NFE2L3: variants seen among roughly 807,000 people sequenced by gnomAD.
NFE2L3 encodes the protein NFE2 like bZIP transcription factor 3, also known as nuclear factor erythroid 2-related factor 3.
Under a neutral mutation model 23.5 loss-of-function variants are expected in NFE2L3, and 18 were observed. The ratio of observed to expected loss-of-function variants is 0.77; its 90% confidence interval spans 0.53 to 1.13. The LOEUF is 1.13. Among genes scored for constraint, NFE2L3 ranks in the 50% most tolerant of loss-of-function variants. NFE2L3 has a pLI of 0.00. For synonymous variants in NFE2L3, 424 were observed against 354.5 expected (o/e 1.20, Z -2.20); for missense variants, 1,152 against 877.2 (o/e 1.31, Z -3.96).
intron 2 of NFE2L3, among the ~76,000 whole-genome samples, chr7:26,180,457 G>A (rs149855634): frequency 8.5e-4 from 129 of 152,212 alleles, no homozygotes; most frequent in African/African-American, 3.0e-3. Context: ...TCTCCCCACA[G>A]CATACATACT....
At chr7:26,158,835 G>A (rs567351215) in intron 1 of NFE2L3, among the ~76,000 whole-genome samples, 1 of 152,326 alleles carries the variant, frequency 6.6e-6, no homozygotes, top group Admixed American at 6.5e-5. Context: ...CACACTGGCT[G>A]TGTGATCTGG....
In NFE2L3 at chr7:26,184,595, ACATTAT is replaced by A. The variant is rs1562679964; in HGVS notation, c.901_906del (p.Tyr301_His302del). 2 of 1,613,920 alleles carry A rather than the reference ACATTAT, an allele frequency of 1.2e-6. No homozygotes were observed. Among genetic ancestry groups the A allele is most frequent in the Non-Finnish European group, 1.7e-6 (2 of 1,179,798 alleles). On this transcript the variant is annotated inframe_deletion, in exon 4 of 4. Transcript: ENST00000056233. Reference sequence around the variant, plus strand: ...TCAGTGATGGCATGAATTCTTCAGCACATTATCATGTAAACTTCAGCCAGGCTATAA... The same window carrying A: ...TCAGTGATGGCATGAATTCTTCAGCACATGTAAACTTCAGCCAGGCTATAA...
At chr7:26,164,391 A>G (rs1784216524) in intron 1 of NFE2L3, among the ~76,000 whole-genome samples, 1 of 152,110 alleles carries the variant, frequency 6.6e-6, no homozygotes, top group Non-Finnish European at 1.5e-5. Context: ...TTTGATCTGT[A>G]TTTCTCTGAT....
At chr7:26,163,279 C>T (rs1784199743) in intron 1 of NFE2L3, among the ~76,000 whole-genome samples, 7 of 152,190 alleles carry the variant, frequency 4.6e-5, no homozygotes, top group Admixed American at 4.6e-4. Context: ...TATATATCCC[C>T]AAATCATAAG....
chr7:26,166,875 A>T (rs186345614), intron 1 of NFE2L3, among the ~76,000 whole-genome samples: 1 of 152,270 alleles, frequency 6.6e-6, no homozygotes, highest in African/African-American at 2.4e-5. Context: ...TTTGTCTTTG[A>T]AGGTTCTTCC....
Position 26,186,013 on chromosome 7 carries a change from A to G in NFE2L3, c.*230A>G. On this transcript the variant is annotated 3_prime_UTR_variant, in exon 4 of 4. Coordinates refer to ENST00000056233, the MANE Select transcript of NFE2L3 (RefSeq NM_004289.7). ...ACTTTTCATGAAGTGCATTGTATAC[A>G]AAATTCATAGTTATGTCCAAAGAAT... 1 of 396,864 alleles carries G rather than the reference A, an allele frequency of 2.5e-6. No homozygotes were observed. Among genetic ancestry groups the G allele is most frequent in the Non-Finnish European group, 4.5e-6 (1 of 222,738 alleles). The allele number at this position is 396,864 out of a possible 1,614,324, so 24.6% of individuals were successfully genotyped here.
At chr7:26,169,675 G>A (rs547721987) in intron 1 of NFE2L3, among the ~76,000 whole-genome samples, 2 of 152,306 alleles carry the variant, frequency 1.3e-5, no homozygotes, top group South Asian at 4.1e-4. Flanking sequence ...TTCACAATAG[G>A]CTCTCAAGAA....
At chr7:26,162,715 CT>C (rs1209506956) in intron 1 of NFE2L3, among the ~76,000 whole-genome samples, 190 of 144,414 alleles carry the variant, frequency 1.3e-3, no homozygotes, top group East Asian at 3.8e-3. Context: ...TAGACTATTT[CT>C]TTTTTTTTTT....
At chr7:26,179,888 C>T (rs1053735606) in intron 2 of NFE2L3, among the ~76,000 whole-genome samples, 2 of 152,096 alleles carry the variant, frequency 1.3e-5, no homozygotes, top group Admixed American at 6.5e-5. Context: ...CACGTGGGCA[C>T]CTTTTCGTGT....
chr7:26,183,414 G>GGT (rs1782380801), intron 2 of NFE2L3, among the ~76,000 whole-genome samples: 1 of 152,068 alleles, frequency 6.6e-6, no homozygotes, highest in Non-Finnish European at 1.5e-5. Context: ...CAGACGTGGT[G>GGT]GTGCACAGCT....
rs1386817188 is a variant in NFE2L3, at chr7:26,152,769, C to G, written c.271C>G (p.Leu91Val). Residue 91 changes from leucine to valine, a missense_variant, in exon 1 of 4, where the codon CTG (leucine) becomes GTG (valine). Coordinates refer to ENST00000056233, the MANE Select transcript of NFE2L3 (RefSeq NM_004289.7). The surrounding 1 kb of genome is among the most constrained non-coding windows in gnomAD (Gnocchi z 4.4). ...LDPAAPPEGQ[L>V]LREVRALGVP... ...CCCTGCCGCGCCGCCCGAGGGCCAGCTGCTCCGGGAGGTGCGCGCGCTCGG... is the reference window on the plus strand; with the variant it reads ...CCCTGCCGCGCCGCCCGAGGGCCAGGTGCTCCGGGAGGTGCGCGCGCTCGG... 6 of 1,480,386 alleles carry G rather than the reference C, an allele frequency of 4.1e-6. No homozygotes were observed. Among genetic ancestry groups the G allele is most frequent in the South Asian group, 1.3e-5 (1 of 78,116 alleles). 91.7% of individuals were successfully genotyped at this position (1,480,386 alleles called of 1,614,324 possible). A position where few individuals can be genotyped will look rare whatever the true frequency, so the allele number is the denominator to read the frequency against.
intron 3 of NFE2L3, chr7:26,184,253 A>G: frequency 2.5e-6 from 1 of 396,830 alleles, no homozygotes; most frequent in African/African-American, 2.0e-5. Context: ...ATAAAGTAGC[A>G]AATTACAAGA....
At chr7:26,161,248 CTTG>C (rs1484463189) in intron 1 of NFE2L3, among the ~76,000 whole-genome samples, 1 of 149,742 alleles carries the variant, frequency 6.7e-6, no homozygotes, top group Admixed American at 6.7e-5. Flanking sequence ...AGGCCTTGGA[CTTG>C]TTGAGGAGGC....
chr7:26,184,603 A>G lies in NFE2L3; in HGVS notation c.905A>G (p.His302Arg). 1 of 1,613,920 alleles carries G rather than the reference A, an allele frequency of 6.2e-7. No individual in the cohort carries two copies. Among genetic ancestry groups the G allele is most frequent in the Non-Finnish European group, 8.5e-7 (1 of 1,179,808 alleles). The change falls in exon 4 of 4, where the codon CAT becomes CGT. Residue 302 changes from histidine (H) to arginine (R), a missense_variant. Physicochemically the swap from His to Arg is conservative, Grantham distance 29. Coordinates refer to ENST00000056233, the MANE Select transcript of NFE2L3 (RefSeq NM_004289.7). ...GGCATGAATTCTTCAGCACATTATC[A>G]TGTAAACTTCAGCCAGGCTATAAGT... Reference protein sequence around the residue: ...SDGMNSSAHYHVNFSQAISQD... With the variant: ...SDGMNSSAHYRVNFSQAISQD...
intron 1 of NFE2L3, among the ~76,000 whole-genome samples, chr7:26,165,569 G>T (rs925197387): frequency 6.6e-6 from 1 of 152,166 alleles, no homozygotes; most frequent in Admixed American, 6.5e-5. Flanking sequence ...GGATTTTCTA[G>T]ATATACAATC....
chr7:26,178,874 C>G (rs953016599), intron 2 of NFE2L3, among the ~76,000 whole-genome samples: 1 of 152,014 alleles, frequency 6.6e-6, no homozygotes, highest in Non-Finnish European at 1.5e-5. Context: ...CTTGCCCTGA[C>G]GGTTTTCTTA....
chr7:26,167,962 C>T (rs1306860331), intron 1 of NFE2L3, among the ~76,000 whole-genome samples: 1 of 151,950 alleles, frequency 6.6e-6, no homozygotes, highest in African/African-American at 2.4e-5. Context: ...TATTTCCAAA[C>T]AGGTGGTGTG....
chr7:26,183,926 C>T (rs1329161701), intron 3 of NFE2L3, 142 bp downstream of exon 3: 5 of 622,098 alleles, frequency 8.0e-6, no homozygotes, highest in Non-Finnish European at 1.2e-5. Context: ...TTAGAATTAA[C>T]CAAATATGTA....
At chr7:26,164,357 T>C (rs1223331966) in intron 1 of NFE2L3, among the ~76,000 whole-genome samples, 2 of 152,256 alleles carry the variant, frequency 1.3e-5, no homozygotes, top group East Asian at 3.8e-4. Flanking sequence ...TTCTAACTGG[T>C]GTGAGATGGT....
Sources: allele counts gnomAD v4.1 joint callset (sites outside exome capture counted in the v4.1 genomes callset), GRCh38; gene constraint gnomAD v4.1.1; non-coding constraint Gnocchi (gnomAD v3.1); transcripts MANE v1.5; gene names NCBI Gene and HGNC (gene_info 2026-07-23, HGNC 2026-07-21).